The following CIB1 variants were observed in gnomAD, a reference collection of about 807,000 sequenced individuals.
The protein encoded by CIB1 is calcium and integrin binding 1.
CIB1 carries 19 observed loss-of-function variants against 25.0 expected under a neutral mutation model. The ratio of observed to expected loss-of-function variants is 0.76; its 90% CI spans 0.53 to 1.12. The LOEUF (loss-of-function observed/expected upper bound fraction) is 1.12, where lower values mean the gene tolerates loss of function less well. CIB1 is among the 50% of genes most tolerant of loss of function. The pLI is 0.00. For missense variants in CIB1, 236 were observed against 242.6 expected, an observed-to-expected ratio of 0.97 and a Z score of 0.18; for synonymous variants, 104 against 98.5, an observed-to-expected ratio of 1.06 and a Z score of -0.33.
chr15:90,238,296 T>A (rs1313740384), upstream of CIB1, among the ~76,000 whole-genome samples: 1 of 152,032 alleles, frequency 6.6e-6, no homozygotes, highest in Non-Finnish European at 1.5e-5. Flanking sequence ...TGAGATTCTG[T>A]CTTTAAAAAA....
the CIB1 span, chr15:90,243,214 T>C: frequency 6.6e-6 from 1 of 152,248 alleles, no homozygotes; most frequent in Non-Finnish European, 1.5e-5. Context: ...GTCCCTTCTT[T>C]CCATTTAGCC....
At chr15:90,256,326 T>G in the CIB1 span, 65 of 1,613,608 alleles carry the variant, frequency 4.0e-5, no homozygotes, top group Non-Finnish European at 5.3e-5. Context: ...CCATCAGCCT[T>G]CCCTAGTCCC....
At chr15:90,249,283 C>A in the CIB1 span, among the ~76,000 whole-genome samples, 2 of 149,998 alleles carry the variant, frequency 1.3e-5, no homozygotes, top group African/African-American at 4.9e-5. Flanking sequence ...TCATTATATG[C>A]TTGGCCAAAT....
chr15:90,262,915 T>G, the CIB1 span: 1 of 1,511,692 alleles, frequency 6.6e-7, no homozygotes, highest in Non-Finnish European at 8.8e-7. Flanking sequence ...TGGGTGATGG[T>G]TTGGGACTTA....
At chr15:90,262,802 T>C in the CIB1 span, 1 of 1,215,634 alleles carries the variant, frequency 8.2e-7, no homozygotes, top group Admixed American at 2.9e-5. Context: ...GTAAATTGAA[T>C]CCGATCCTTT....
Position 90,230,158 on chromosome 15 carries a change from C to T in CIB1, c.*326G>A, listed in dbSNP as rs141959801. On this transcript the variant is annotated 3_prime_UTR_variant, in exon 7 of 7. Coordinates refer to ENST00000328649, the MANE Select transcript of CIB1 (RefSeq NM_006384.4). ...GCTTGACTTCCCGCTGGCCTCTGCT[C>T]GATATGCTGCTTATTCCTAGGATGA... 1,977 of 378,996 alleles carry T rather than the reference C, an allele frequency of 5.2e-3. 11 individuals carry two copies. The highest frequency in any genetic ancestry group is 0.021 in the Middle Eastern group (28 of 1,358). The allele number at this position is 378,996 out of a possible 1,614,324, so 23.5% of individuals were successfully genotyped here. A position where few individuals can be genotyped will look rare whatever the true frequency, so the allele number is the denominator to read the frequency against.
the CIB1 span, chr15:90,263,996 C>A: frequency 6.5e-7 from 1 of 1,536,128 alleles, no homozygotes; most frequent in South Asian, 1.2e-5. Flanking sequence ...AACTCCTGTT[C>A]ATTGTCAATG....
At chr15:90,237,396 C>T (rs1335029911), upstream of CIB1, among the ~76,000 whole-genome samples, 1 of 150,622 alleles carries the variant, frequency 6.6e-6, no homozygotes, top group Non-Finnish European at 1.5e-5. Context: ...ATTCTCCTGC[C>T]TCAGCCTCCC....
At chr15:90,258,774 C>T in the CIB1 span, 1 of 1,614,202 alleles carries the variant, frequency 6.2e-7, no homozygotes, top group Non-Finnish European at 8.5e-7. Flanking sequence ...ACCACGGACT[C>T]ATGCCTTGAT....
chr15:90,252,552 C>A, the CIB1 span, among the ~76,000 whole-genome samples: 1 of 152,052 alleles, frequency 6.6e-6, no homozygotes, highest in Non-Finnish European at 1.5e-5. Context: ...GGGACTTCAA[C>A]GATTAAGAAA....
the CIB1 span, chr15:90,257,281 G>A: frequency 1.9e-6 from 3 of 1,609,764 alleles, no homozygotes; most frequent in East Asian, 2.2e-5. Context: ...ATAACAACCT[G>A]GTAAGGGGAC....
the CIB1 span, chr15:90,258,853 G>A: frequency 6.2e-7 from 1 of 1,614,182 alleles, no homozygotes. Flanking sequence ...GTGACAAAAG[G>A]AAGGTGATGG....
rs1010172588 is a variant in CIB1, at chr15:90,232,402, C to G, written c.87-75G>C. On this transcript the variant is annotated intron_variant, in intron 2 of 6. Coordinates refer to ENST00000328649, the MANE Select transcript of CIB1 (RefSeq NM_006384.4). ...TGTGTTCATTCCCACTCCTTGCCTG[C>G]TGCTCATTGTCAACCAGGTGAGGAG... The G allele has an allele frequency of 5.9e-5, 88 of 1,499,404 alleles. No individual in the cohort carries two copies. In the African/African-American group the frequency reaches 1.0e-3, roughly 18 times the overall value. The allele number at this position is 1,499,404 out of a possible 1,614,324, so 92.9% of individuals were successfully genotyped here.
rs868624291 is a variant in CIB1, at chr15:90,230,937, G to A, written c.551C>T (p.Ala184Val). 6.2e-7 allele frequency: 1 copy of A among 1,613,562 alleles called. No individual in the cohort carries two copies. The highest frequency in any genetic ancestry group is 1.1e-5 in the South Asian group (1 of 91,058). The change falls in exon 6 of 7, where the codon GCC (alanine) becomes GTC (valine). Residue 184 changes from alanine (A) to valine (V), a missense_variant. Coordinates refer to ENST00000328649, the MANE Select transcript of CIB1 (RefSeq NM_006384.4). Reference protein sequence around the residue: ...QHVISRSPDFASSFKIVL With the variant: ...QHVISRSPDFVSSFKIVL Reference sequence around the variant, plus strand: ...TGAAGGGGGACCACTGTCATACCTGGCAAAGTCTGGAGAACGGGAGATGAC... The same window carrying A: ...TGAAGGGGGACCACTGTCATACCTGACAAAGTCTGGAGAACGGGAGATGAC...
the CIB1 span, chr15:90,256,180 C>T: frequency 6.2e-7 from 1 of 1,614,194 alleles, no homozygotes; most frequent in Non-Finnish European, 8.5e-7. Flanking sequence ...AGCGAAAAGC[C>T]CGCACATATA....
chr15:90,236,326 T>G (rs1962635956), upstream of CIB1: 1 of 152,146 alleles, frequency 6.6e-6, no homozygotes, highest in African/African-American at 2.4e-5. Context: ...CGTGCGCCAC[T>G]GCACCCAGCC....
the CIB1 span, among the ~76,000 whole-genome samples, chr15:90,259,278 T>C: frequency 1.5e-3 from 222 of 152,054 alleles, no homozygotes; most frequent in African/African-American, 4.8e-3. Context: ...TATTCCCAGC[T>C]ACTCAGGAGG....
chr15:90,231,355 A>T lies in CIB1; in HGVS notation c.346+2T>A. 5 of 1,613,764 alleles carry T rather than the reference A, an allele frequency of 3.1e-6. No individual in the cohort carries two copies. In the South Asian group the frequency reaches 3.3e-5, roughly 11 times the overall value. On this transcript the variant is annotated splice_donor_variant, in intron 4 of 6. Transcript: ENST00000328649. LOFTEE classifies it high-confidence loss of function. Reference sequence around the variant, plus strand: ...TCCTGCCGGGCTGCTCCTGGTTCTCACCAAAGATGCGGAAGGCATAATGGG... The same window carrying T: ...TCCTGCCGGGCTGCTCCTGGTTCTCTCCAAAGATGCGGAAGGCATAATGGG...
chr15:90,236,759 A>C (rs1309258788), upstream of CIB1, among the ~76,000 whole-genome samples: 1 of 151,262 alleles, frequency 6.6e-6, no homozygotes, highest in Non-Finnish European at 1.5e-5. Context: ...GATGGTCTCG[A>C]TCTCCTGATC....
Sources: allele counts gnomAD v4.1 joint callset (sites outside exome capture counted in the v4.1 genomes callset), GRCh38; gene constraint gnomAD v4.1.1; transcripts MANE v1.5; gene names NCBI Gene and HGNC (gene_info 2026-07-23, HGNC 2026-07-21).